RXFP2: variants seen among roughly 807,000 people sequenced by gnomAD.
RXFP2 encodes relaxin family peptide receptor 2.
RXFP2 carries 68 observed loss-of-function variants against 88.6 expected under a neutral mutation model. That is an observed-to-expected ratio of 0.77 (90% confidence interval 0.63 to 0.94). The LOEUF (loss-of-function observed/expected upper bound fraction) is 0.94. Among genes scored for constraint, RXFP2 ranks in the 40% least tolerant of loss-of-function variants. RXFP2 has a pLI of 0.00. For missense variants in RXFP2, 791 were observed against 893.9 expected, an observed-to-expected ratio of 0.88 and a Z score of 1.47; for synonymous variants, 329 against 306.8, an observed-to-expected ratio of 1.07 and a Z score of -0.76.
chr13:31,796,923 G>T (rs1056952546), intron 16 of RXFP2, among the ~76,000 whole-genome samples: 4 of 152,158 alleles, frequency 2.6e-5, no homozygotes, highest in Non-Finnish European at 5.9e-5. Flanking sequence ...TTCAATGTAT[G>T]CAAACTTTGT....
chr13:31,756,137 T>C (rs951464249), intron 1 of RXFP2, among the ~76,000 whole-genome samples: 2 of 152,206 alleles, frequency 1.3e-5, no homozygotes, highest in Non-Finnish European at 2.9e-5. Flanking sequence ...CTCCAACCCC[T>C]GCCCTTTAAC....
At chr13:31,763,214 A>G (rs760219997) in intron 3 of RXFP2, among the ~76,000 whole-genome samples, 7 of 151,708 alleles carry the variant, frequency 4.6e-5, no homozygotes, top group Non-Finnish European at 8.8e-5. Flanking sequence ...CCTCCTGAGT[A>G]GCTGGGACCA....
chr13:31,773,739 C>T (rs1051882653), intron 5 of RXFP2, among the ~76,000 whole-genome samples: 1 of 152,026 alleles, frequency 6.6e-6, no homozygotes, highest in African/African-American at 2.4e-5. Context: ...TATAGCCAGA[C>T]GTCAAATGAG....
intron 2 of RXFP2, 28 bp from the exon 3 acceptor site, chr13:31,761,696 G>A: frequency 1.3e-6 from 2 of 1,493,736 alleles, no homozygotes; most frequent in African/African-American, 1.4e-5. Context: ...TCTAGAATAA[G>A]TGACACATCT....
At chr13:31,748,207 C>A (rs1871506657) in intron 1 of RXFP2, among the ~76,000 whole-genome samples, 1 of 152,172 alleles carries the variant, frequency 6.6e-6, no homozygotes, top group African/African-American at 2.4e-5. Flanking sequence ...GTATGAATCT[C>A]TTGGTGCACA....
intron 1 of RXFP2, among the ~76,000 whole-genome samples, chr13:31,749,805 T>G (rs1441270509): frequency 6.6e-6 from 1 of 152,226 alleles, no homozygotes; most frequent in Middle Eastern, 3.2e-3. Context: ...ATATTATTTA[T>G]GAATAATCAC....
intron 7 of RXFP2, among the ~76,000 whole-genome samples, chr13:31,776,630 T>C (rs1329340074): frequency 6.6e-6 from 1 of 152,172 alleles, no homozygotes; most frequent in Non-Finnish European, 1.5e-5. Flanking sequence ...CCAAGAAGGA[T>C]GTTATGAGGA....
intron 11 of RXFP2, among the ~76,000 whole-genome samples, chr13:31,785,653 T>C (rs1345660570): frequency 6.6e-6 from 1 of 151,988 alleles, no homozygotes; most frequent in Non-Finnish European, 1.5e-5. Flanking sequence ...TTCCAGAGTA[T>C]CAAAAGAGAT....
At chr13:31,768,599 G>A (rs553337777) in intron 5 of RXFP2, among the ~76,000 whole-genome samples, 4 of 152,150 alleles carry the variant, frequency 2.6e-5, no homozygotes, top group Non-Finnish European at 5.9e-5. Context: ...TCCTTTGGAA[G>A]CCCACCCACA....
At chr13:31,762,412 G>A (rs956564010) in intron 3 of RXFP2, among the ~76,000 whole-genome samples, 7 of 152,226 alleles carry the variant, frequency 4.6e-5, no homozygotes, top group African/African-American at 1.4e-4. Context: ...CAGAAGATGC[G>A]CAGCAGGCTG....
chr13:31,774,892 AC>A (rs1415998128), intron 6 of RXFP2, among the ~76,000 whole-genome samples: 1 of 152,214 alleles, frequency 6.6e-6, no homozygotes, highest in Non-Finnish European at 1.5e-5. Flanking sequence ...GTTCTCCTTA[AC>A]CTTGTCTTCT....
intron 13 of RXFP2, among the ~76,000 whole-genome samples, chr13:31,787,478 T>C (rs1873596187): frequency 6.6e-6 from 1 of 152,266 alleles, no homozygotes; most frequent in Non-Finnish European, 1.5e-5. Flanking sequence ...CCTGAGGATG[T>C]GGACAGCATG....
At chr13:31,764,422 C>T (rs1872456872) in intron 3 of RXFP2, among the ~76,000 whole-genome samples, 1 of 152,154 alleles carries the variant, frequency 6.6e-6, no homozygotes, top group Non-Finnish European at 1.5e-5. Flanking sequence ...CTGAATGCTT[C>T]AGATAGATAG....
At chr13:31,763,010 G>T (rs1249842902) in intron 3 of RXFP2, among the ~76,000 whole-genome samples, 2 of 151,642 alleles carry the variant, frequency 1.3e-5, no homozygotes, top group Admixed American at 1.3e-4. Context: ...GAATTGCAGA[G>T]AATGGATTAG....
intron 13 of RXFP2, among the ~76,000 whole-genome samples, chr13:31,787,383 C>A (rs958454683): frequency 3.3e-5 from 5 of 152,132 alleles, no homozygotes; most frequent in African/African-American, 1.2e-4. Context: ...TAGTGAGCAT[C>A]CACTGATGAA....
chr13:31,773,287 T>C (rs1484145395), intron 5 of RXFP2, among the ~76,000 whole-genome samples: 1 of 152,186 alleles, frequency 6.6e-6, no homozygotes, highest in Non-Finnish European at 1.5e-5. Flanking sequence ...AAATTGATGC[T>C]TTGCATATCA....
rs116786168 is a variant in RXFP2 at position 31,767,983 on chromosome 13, C to T, written c.497+1956C>T. On this transcript the variant is annotated intron_variant, in intron 5 of 17. Transcript: ENST00000298386. ...GCCACGTCCTTCCTTGGTCTATTAA[C>T]TCATAACTGTGTTCTATGCCAATAT... Among the ~76,000 whole-genome samples, 726 of 152,266 alleles carry T rather than the reference C, an allele frequency of 4.8e-3. 6 individuals carry two copies. The highest frequency in any genetic ancestry group is 0.017 in the African/African-American group (710 of 41,556).
At chr13:31,782,432 AC>A (rs1873328004) in intron 10 of RXFP2, among the ~76,000 whole-genome samples, 1 of 152,230 alleles carries the variant, frequency 6.6e-6, no homozygotes, top group Non-Finnish European at 1.5e-5. Context: ...TTAGATCCAA[AC>A]AAAATGCAGC....
intron 16 of RXFP2, among the ~76,000 whole-genome samples, chr13:31,793,691 CT>C (rs1160257825): frequency 6.6e-6 from 1 of 152,022 alleles, no homozygotes; most frequent in East Asian, 1.9e-4. Context: ...GTTAAAAACA[CT>C]TTTTTTCTAT....
Sources: gnomAD v4.1 joint callset for allele counts (sites outside exome capture counted in the v4.1 genomes callset) on GRCh38, gnomAD v4.1.1 for gene constraint, MANE v1.5 for transcripts, NCBI Gene and HGNC (gene_info 2026-07-23, HGNC 2026-07-21) for gene names.